The following GALNT2 variants were observed in gnomAD, a reference collection of about 807,000 sequenced individuals.
GALNT2 encodes UDP-GalNAc:polypeptide N-acetylgalactosaminyltransferase 2.
In GALNT2, 31 loss-of-function variants were observed where a neutral mutation model predicts 81.4. The observed-to-expected ratio is 0.38, with a 90% CI of 0.29 to 0.51. GALNT2 has a LOEUF of 0.51. Ranked by LOEUF, GALNT2 falls within the 20% of genes least tolerant of loss-of-function variation. The probability of loss-of-function intolerance (pLI) is 0.87; values close to 1 mark genes in which losing one functional copy is unlikely to be tolerated. For synonymous variants in GALNT2, 303 were observed against 287.4 expected (o/e 1.05, Z -0.55); for missense variants, 629 against 765.7 (o/e 0.82, Z 2.11).
chr1:230,152,328 A>G (rs543440516), intron 1 of GALNT2, among the ~76,000 whole-genome samples: 2 of 152,174 alleles, frequency 1.3e-5, no homozygotes, highest in Non-Finnish European at 2.9e-5. Flanking sequence ...AGCGCATCCG[A>G]CACTTGGCTA....
chr1:230,141,788 C>CTT (rs60824749), intron 1 of GALNT2, among the ~76,000 whole-genome samples: 7,128 of 101,058 alleles, frequency 0.071, 487 homozygotes, highest in East Asian at 0.35. Context: ...TTTTGTTTTC[C>CTT]TTTTTTTTTT....
chr1:230,167,625 G>T (rs1662651594), intron 1 of GALNT2, among the ~76,000 whole-genome samples: 1 of 152,248 alleles, frequency 6.6e-6, no homozygotes, highest in Non-Finnish European at 1.5e-5. Flanking sequence ...GAGGTGAAGT[G>T]GGGAGGAAAG....
intron 3 of GALNT2, among the ~76,000 whole-genome samples, chr1:230,227,643 T>C (rs1222619657): frequency 1.3e-5 from 2 of 152,086 alleles, no homozygotes; most frequent in East Asian, 1.9e-4. Context: ...ATATATCTTC[T>C]CAGTGAATTA....
chr1:230,074,955 C>A (rs1482888978), intron 1 of GALNT2, among the ~76,000 whole-genome samples: 1 of 152,112 alleles, frequency 6.6e-6, no homozygotes, highest in Non-Finnish European at 1.5e-5. Flanking sequence ...AGGGTTTCTG[C>A]CAGCCAGCAG....
At chr1:230,176,547 GC>G (rs1212315172) in intron 1 of GALNT2, among the ~76,000 whole-genome samples, 1 of 152,122 alleles carries the variant, frequency 6.6e-6, no homozygotes, top group African/African-American at 2.4e-5. Flanking sequence ...AAAAATTAAT[GC>G]GTAATTAAAA....
chr1:230,259,211 T>G (rs1198434511), intron 11 of GALNT2: 1 of 152,230 alleles, frequency 6.6e-6, no homozygotes. Flanking sequence ...CAAGAAATAT[T>G]TTGGATTTTT....
intron 3 of GALNT2, among the ~76,000 whole-genome samples, chr1:230,214,585 T>C (rs994206056): frequency 1.3e-5 from 2 of 152,212 alleles, no homozygotes; most frequent in African/African-American, 4.8e-5. Context: ...CCAGCTGCCT[T>C]TTCAGATATT....
At position 230,200,621 on chromosome 1, in the gene GALNT2, T is replaced by C. The variant is rs185632720; in HGVS notation, c.221-2516T>C. 2.6e-5 allele frequency among the ~76,000 whole-genome samples: 4 copies of C among 152,312 alleles called. No homozygotes were observed. In the East Asian group the frequency reaches 5.8e-4, roughly 22 times the overall value. On this transcript the variant is annotated intron_variant, in intron 2 of 15. Transcript: ENST00000366672. ...GGGTGTGAGAGCACAAAGAGATGTA[T>C]GGGTGGAAATGGGATTGAAGCTTCT...
chr1:230,263,905 G>A (rs1247007026), intron 13 of GALNT2: 2 of 152,224 alleles, frequency 1.3e-5, no homozygotes, highest in Non-Finnish European at 2.9e-5. Context: ...AGGTAATGCG[G>A]CCTCTCTCTG....
chr1:230,147,862 C>G (rs1290505371), intron 1 of GALNT2, among the ~76,000 whole-genome samples: 1 of 152,208 alleles, frequency 6.6e-6, no homozygotes, highest in Admixed American at 6.5e-5. Flanking sequence ...GAAGAGAGCT[C>G]GTCTTTAGCT....
chr1:230,252,380 A>C (rs1665571744), intron 10 of GALNT2, among the ~76,000 whole-genome samples: 1 of 152,166 alleles, frequency 6.6e-6, no homozygotes, highest in South Asian at 2.1e-4. Flanking sequence ...TAAGCAATTA[A>C]AATGGAGGAC....
At chr1:230,266,890 G>T (rs535039952) in intron 14 of GALNT2, among the ~76,000 whole-genome samples, 2 of 152,354 alleles carry the variant, frequency 1.3e-5, no homozygotes, top group South Asian at 4.1e-4. Flanking sequence ...AGTCTCGATG[G>T]TTCAGAATAG....
chr1:230,091,401 TTCTA>T (rs1319011100), intron 1 of GALNT2, among the ~76,000 whole-genome samples: 14 of 152,090 alleles, frequency 9.2e-5, no homozygotes, highest in African/African-American at 3.4e-4. Flanking sequence ...ATCGGCCTAT[TTCTA>T]TCTATTTTCT....
intron 1 of GALNT2, among the ~76,000 whole-genome samples, chr1:230,117,209 C>T (rs1404253718): frequency 6.6e-6 from 1 of 152,238 alleles, no homozygotes; most frequent in East Asian, 1.9e-4. Flanking sequence ...ACACGGTTAG[C>T]TTTCATAGAA....
intron 3 of GALNT2, among the ~76,000 whole-genome samples, chr1:230,221,800 A>C (rs1664554268): frequency 6.6e-6 from 1 of 152,042 alleles, no homozygotes; most frequent in Non-Finnish European, 1.5e-5. Context: ...GCTTTACTTG[A>C]ATTAATTTGA....
rs1665280231 is a variant in GALNT2, at chr1:230,243,747, T to C, written c.729+320T>C. On this transcript the variant is annotated intron_variant, in intron 7 of 15. Coordinates refer to ENST00000366672, the MANE Select transcript of GALNT2 (RefSeq NM_004481.5). The surrounding 1 kb of genome is among the most constrained non-coding windows in gnomAD (Gnocchi z 4.2). ...CATGGGAGCAGTTTCCTTCCCCGCC[T>C]ACAGCTTCGCAGAGTGCTTAGAACA... is the stretch of plus-strand genomic sequence containing the variant. Among the ~76,000 whole-genome samples, 1 of 152,206 alleles carries C rather than the reference T, an allele frequency of 6.6e-6. No individual in the cohort carries two copies. The highest frequency in any genetic ancestry group is 1.5e-5 in the Non-Finnish European group (1 of 68,036).
intron 10 of GALNT2, among the ~76,000 whole-genome samples, chr1:230,252,103 T>C (rs1299737916): frequency 1.3e-5 from 2 of 152,168 alleles, no homozygotes; most frequent in East Asian, 3.9e-4. Context: ...GGACTTGGAC[T>C]CCCAGTGAGG....
At chr1:230,132,381 C>A (rs1325577137) in intron 1 of GALNT2, among the ~76,000 whole-genome samples, 3 of 152,200 alleles carry the variant, frequency 2.0e-5, no homozygotes, top group Non-Finnish European at 4.4e-5. Context: ...GGCTTGGTGG[C>A]CATCTCTCCA....
upstream of GALNT2, chr1:230,067,139 A>C (rs1659211786): frequency 3.7e-6 from 1 of 272,552 alleles, no homozygotes; most frequent in South Asian, 1.4e-4. Flanking sequence ...GCCGCCGCCG[A>C]GCAGTAGCAC....
Sources: allele counts gnomAD v4.1 joint callset (sites outside exome capture counted in the v4.1 genomes callset), GRCh38; gene constraint gnomAD v4.1.1; non-coding constraint Gnocchi (gnomAD v3.1); transcripts MANE v1.5; gene names NCBI Gene and HGNC (gene_info 2026-07-23, HGNC 2026-07-21).